SLF1: variants seen among roughly 807,000 people sequenced by gnomAD.
SLF1 encodes SMC5/6 complex localization factor 1.
Under a neutral mutation model 123.0 loss-of-function variants are expected in SLF1, and 105 were observed. The observed-to-expected ratio is 0.85, with a 90% confidence interval of 0.73 to 1.00. The LOEUF is 1.00. SLF1 is among the 50% of genes least tolerant of loss of function. The pLI, the probability that SLF1 is intolerant of heterozygous loss-of-function variation, is 0.00. For missense variants in SLF1, 1,239 were observed against 1,223.0 expected (o/e 1.01, Z -0.20); for synonymous variants, 434 against 406.6 (o/e 1.07, Z -0.81).
At chr5:94,622,694 T>C (rs1478913084) in intron 1 of SLF1, among the ~76,000 whole-genome samples, 1 of 152,086 alleles carries the variant, frequency 6.6e-6, no homozygotes, top group Non-Finnish European at 1.5e-5. Flanking sequence ...TAAAGGTTAT[T>C]TTGGGGGGAA....
chr5:94,671,409 TGA>T (rs200222656), intron 14 of SLF1, among the ~76,000 whole-genome samples: 3,408 of 151,470 alleles, frequency 0.022, 62 homozygotes, highest in Non-Finnish European at 0.033. Flanking sequence ...CTTTTGATGT[TGA>T]GTTATTTTCT....
At chr5:94,618,342 C>T (rs1185005975), upstream of SLF1, 2 of 152,644 alleles carry the variant, frequency 1.3e-5, no homozygotes, top group African/African-American at 4.8e-5. Flanking sequence ...CCAGGGCCTT[C>T]TCCAGCTGCA....
chr5:94,692,075 C>T lies in SLF1; in HGVS notation c.2514C>T (p.Asp838=). The T allele has an allele frequency of 6.2e-7, 1 of 1,612,816 alleles. No homozygotes were observed. Among genetic ancestry groups the T allele is most frequent in the Non-Finnish European group, 8.5e-7 (1 of 1,179,356 alleles). Reference sequence around the variant, plus strand: ...AACTTGCCTTGATTTCTAATTTAGACAATGCTGGCTGGACGCCTTTGCATG... The same window carrying T: ...AACTTGCCTTGATTTCTAATTTAGATAATGCTGGCTGGACGCCTTTGCATG... The part of the protein sequence containing the change: ...SLPGIDINVK[D]NAGWTPLHEA... Residue 838 remains aspartate, a splice_region_variant and synonymous_variant, in exon 20 of 21, where the codon GAC becomes GAT. Coordinates refer to ENST00000265140, the MANE Select transcript of SLF1 (RefSeq NM_032290.4).
At chr5:94,654,603 AAAGTC>A in intron 8 of SLF1, 22 bp from the exon 9 acceptor site, 1 of 1,508,110 alleles carries the variant, frequency 6.6e-7, no homozygotes, top group Non-Finnish European at 8.9e-7. Context: ...TACATTTTCT[AAAGTC>A]ATTTTACTTT....
chr5:94,650,824 G>C (rs1585149800), intron 6 of SLF1, among the ~76,000 whole-genome samples: 1 of 152,110 alleles, frequency 6.6e-6, no homozygotes, highest in East Asian at 1.9e-4. Flanking sequence ...TGTGCCTCTT[G>C]TGAAATATAC....
chr5:94,690,932 C>CTGTG (rs3084537), intron 18 of SLF1, among the ~76,000 whole-genome samples: 2,652 of 144,760 alleles, frequency 0.018, 71 homozygotes, highest in African/African-American at 0.057. Flanking sequence ...GTGTGTGTGT[C>CTGTG]TGTGTGTGTG....
rs1753575399 is a variant in SLF1, at chr5:94,697,595, C to T, written c.*2283C>T. On this transcript the variant is annotated 3_prime_UTR_variant, in exon 21 of 21. Coordinates refer to ENST00000265140, the MANE Select transcript of SLF1 (RefSeq NM_032290.4). ...AGACCTTATTACAATGTAAATAAAG[C>T]TGGAGAGGAGATTTCTGAGCAGTTA... The T allele has an allele frequency of 6.6e-6, 1 of 151,790 alleles. No individual in the cohort carries two copies. Among genetic ancestry groups the T allele is most frequent in the South Asian group, 2.1e-4 (1 of 4,826 alleles). The allele number at this position is 151,790 out of a possible 1,614,324, so 9.4% of individuals were successfully genotyped here. A position where few individuals can be genotyped will look rare whatever the true frequency, so the allele number is the denominator to read the frequency against.
chr5:94,690,807 C>A (rs1474064509), intron 18 of SLF1, among the ~76,000 whole-genome samples: 1 of 151,922 alleles, frequency 6.6e-6, no homozygotes, highest in East Asian at 1.9e-4. Flanking sequence ...TGGATATAGA[C>A]AATTTTAGCC....
chr5:94,646,829 C>T (rs921166905), intron 5 of SLF1, among the ~76,000 whole-genome samples: 4 of 152,150 alleles, frequency 2.6e-5, no homozygotes, highest in Non-Finnish European at 5.9e-5. Flanking sequence ...GCTAATACTA[C>T]ATTGCTTTGG....
intron 19 of SLF1, 29 bp from the exon 20 acceptor site, chr5:94,692,045 T>G (rs974897151): frequency 1.9e-5 from 30 of 1,609,040 alleles, no homozygotes; most frequent in Non-Finnish European, 1.9e-5. Flanking sequence ...CTTCTGCTGT[T>G]TTAAAACTTG....
At chr5:94,635,661 A>G (rs1009481506) in intron 4 of SLF1, among the ~76,000 whole-genome samples, 1 of 152,086 alleles carries the variant, frequency 6.6e-6, no homozygotes, top group Non-Finnish European at 1.5e-5. Flanking sequence ...GACTATGTCA[A>G]ACTGATAACT....
At position 94,673,569 on chromosome 5, in the gene SLF1, A is replaced by G. The variant is rs1585202265; in HGVS notation, c.1827+2561A>G. On this transcript the variant is annotated intron_variant, in intron 14 of 20. Coordinates refer to ENST00000265140, the MANE Select transcript of SLF1 (RefSeq NM_032290.4). ...AGATGTAGTGGTGTGCACATGTATT[A>G]GTTTTAACTACTTGAGAGGCTGCCC... Among the ~76,000 whole-genome samples, 6 of 151,870 alleles carry G rather than the reference A, an allele frequency of 4.0e-5. No individual in the cohort carries two copies. In the South Asian group the frequency reaches 1.2e-3, roughly 31 times the overall value.
At chr5:94,653,908 CA>C in intron 8 of SLF1, among the ~76,000 whole-genome samples, 1 of 151,804 alleles carries the variant, frequency 6.6e-6, no homozygotes, top group South Asian at 2.1e-4. Context: ...CGGTGGCTCA[CA>C]CCTGTAATCC....
At chr5:94,637,417 C>T (rs72773520) in intron 4 of SLF1, among the ~76,000 whole-genome samples, 2 of 152,176 alleles carry the variant, frequency 1.3e-5, no homozygotes, top group Non-Finnish European at 2.9e-5. Context: ...TCAGGCAGAG[C>T]TGCAGGCTAG....
rs1328598175 is a variant in SLF1 at position 94,696,883 on chromosome 5, A to C, written c.*1571A>C. On this transcript the variant is annotated 3_prime_UTR_variant, in exon 21 of 21. Transcript: ENST00000265140. ...TTGTTAGCATATCACATCATATGACACTTAATAAATATTATTTCCTTTCTA... is the reference window on the plus strand; with the variant it reads ...TTGTTAGCATATCACATCATATGACCCTTAATAAATATTATTTCCTTTCTA... 6.6e-6 allele frequency: 1 copy of C among 151,486 alleles called. No homozygotes were observed. The highest frequency in any genetic ancestry group is 1.5e-5 in the Non-Finnish European group (1 of 67,864). The allele number at this position is 151,486 out of a possible 1,614,324, so 9.4% of individuals were successfully genotyped here. A position where few individuals can be genotyped will look rare whatever the true frequency, so the allele number is the denominator to read the frequency against.
At chr5:94,651,954 G>C (rs1294672065) in intron 7 of SLF1, 109 bp downstream of exon 7, 1 of 472,212 alleles carries the variant, frequency 2.1e-6, no homozygotes, top group Admixed American at 4.8e-5. Flanking sequence ...GTATCCAATA[G>C]CTAGATTAAG....
chr5:94,659,999 T>TCAG (rs1561450522), intron 9 of SLF1, among the ~76,000 whole-genome samples: 1 of 152,094 alleles, frequency 6.6e-6, no homozygotes, highest in African/African-American at 2.4e-5. Flanking sequence ...TGGGTGGTTA[T>TCAG]CAGCAGCAGC....
chr5:94,626,738 C>G (rs1295303691), intron 1 of SLF1, among the ~76,000 whole-genome samples: 1 of 152,138 alleles, frequency 6.6e-6, no homozygotes, highest in African/African-American at 2.4e-5. Flanking sequence ...TTGACTTACC[C>G]ACACAGGCAG....
chr5:94,633,611 A>C (rs928178295), intron 4 of SLF1, among the ~76,000 whole-genome samples: 1 of 152,224 alleles, frequency 6.6e-6, no homozygotes, highest in African/African-American at 2.4e-5. Flanking sequence ...ATTGCAAAGA[A>C]AGAAAAATAA....
Sources: allele counts gnomAD v4.1 joint callset (sites outside exome capture counted in the v4.1 genomes callset), GRCh38; gene constraint gnomAD v4.1.1; transcripts MANE v1.5; gene names NCBI Gene and HGNC (gene_info 2026-07-23, HGNC 2026-07-21).